Variants in DNAH9 observed in about 807,000 individuals in gnomAD.
DNAH9 encodes the protein DNAH9 variant protein.
A neutral mutation model predicts 471.6 loss-of-function variants in DNAH9; 345 were observed. The observed-to-expected ratio is 0.73, with a 90% CI of 0.67 to 0.80. DNAH9 has a LOEUF of 0.80. Ranked by LOEUF, DNAH9 falls within the 30% of genes least tolerant of loss-of-function variation. The pLI is 0.00. For synonymous variants in DNAH9, 2,093 were observed against 2,123.6 expected (o/e 0.99, Z 0.40); for missense variants, 5,407 against 5,609.2 (o/e 0.96, Z 1.15).
At chr17:11,958,610 C>T in intron 67 of DNAH9, among the ~76,000 whole-genome samples, 1 of 151,910 alleles carries the variant, frequency 6.6e-6, no homozygotes, top group East Asian at 1.9e-4. Context: ...TCACTTGTAA[C>T]AAAGGTACCG....
At chr17:11,921,486 G>GA (rs369709258) in intron 61 of DNAH9, among the ~76,000 whole-genome samples, 6 of 152,158 alleles carry the variant, frequency 3.9e-5, no homozygotes, top group African/African-American at 1.4e-4. Flanking sequence ...GAGCTGGAAG[G>GA]AAAGTCAGAA....
In DNAH9 at chr17:11,598,805, T is replaced by G. The variant is rs894426457; in HGVS notation, c.307T>G (p.Phe103Val). ...CCTGGCTGGCGCTAAGGCGCTTTTT[T>G]TCCTTCGCACCGGGCCCGAGCCTCC... Reference protein sequence around the residue: ...SGLAGAKALFFLRTGPEPPGP... With the variant: ...SGLAGAKALFVLRTGPEPPGP... Residue 103 changes from phenylalanine to valine, a missense_variant, in exon 1 of 69, where the codon TTC becomes GTC. Physicochemically the swap from Phe to Val is conservative, Grantham distance 50 (BLOSUM62 -1). Transcript: ENST00000262442. 2 of 1,480,772 alleles carry G rather than the reference T, an allele frequency of 1.4e-6. No individual in the cohort carries two copies. The highest frequency in any genetic ancestry group is 2.8e-5 in the East Asian group (1 of 35,578). The allele number at this position is 1,480,772 out of a possible 1,614,324, so 91.7% of individuals were successfully genotyped here. A position where few individuals can be genotyped will look rare whatever the true frequency, so the allele number is the denominator to read the frequency against.
In DNAH9 at chr17:11,712,889, T is replaced by A. The variant is rs1377658770; in HGVS notation, c.5553-6445T>A. On this transcript the variant is annotated intron_variant, in intron 26 of 68. Coordinates refer to ENST00000262442, the MANE Select transcript of DNAH9 (RefSeq NM_001372.4). The stretch of plus-strand genomic sequence containing the variant: ...TCTTAAAAAGCTTTAAGAAAAAAAA[T>A]GAGTTATTTAAAAAAAAAAACTTTT... 7.3e-5 allele frequency among the ~76,000 whole-genome samples: 11 copies of A among 149,686 alleles called. No homozygotes were observed. In the South Asian group the frequency reaches 2.1e-3, roughly 28 times the overall value.
chr17:11,685,096 T>G (rs2074216164), intron 19 of DNAH9, among the ~76,000 whole-genome samples: 1 of 152,176 alleles, frequency 6.6e-6, no homozygotes. Flanking sequence ...CTCAAGGACT[T>G]ATAGCCTCAG....
At chr17:11,639,101 T>C (rs1256836557) in intron 9 of DNAH9, among the ~76,000 whole-genome samples, 1 of 152,248 alleles carries the variant, frequency 6.6e-6, no homozygotes, top group African/African-American at 2.4e-5. Flanking sequence ...TTCCTCCTGC[T>C]GTATGACATA....
In DNAH9 at chr17:11,690,087, G is replaced by A. The variant is rs1327702312; in HGVS notation, c.4265G>A (p.Gly1422Asp). The A allele has an allele frequency of 6.2e-7, 1 of 1,614,176 alleles. No individual in the cohort carries two copies. The highest frequency in any genetic ancestry group is 1.7e-5 in the Admixed American group (1 of 60,024). Residue 1422 changes from glycine (G) to aspartate (D), a missense_variant, in exon 20 of 69, where the codon GGC becomes GAC. By Grantham distance (94) the Gly-to-Asp change is moderately conservative (BLOSUM62 -1). Around this residue, in one of 3 missense-constraint regions of DNAH9, gnomAD observed 4,636 missense variants for 4,900.3 expected, o/e 0.95. Coordinates refer to ENST00000262442, the MANE Select transcript of DNAH9 (RefSeq NM_001372.4). ...QLHHYEDEVR[G>D]IVDKAAKEMG... ...CACCACTATGAGGATGAGGTCCGGG[G>A]CATTGTGGACAAAGCTGCAAAAGAG...
At chr17:11,848,659 CGTAA>C (rs1251123279) in intron 49 of DNAH9, among the ~76,000 whole-genome samples, 1 of 151,964 alleles carries the variant, frequency 6.6e-6, no homozygotes, top group South Asian at 2.1e-4. Context: ...AGAAGATTGC[CGTAA>C]GTAACTAAAA....
intron 23 of DNAH9, 99 bp from the exon 24 acceptor site, chr17:11,701,023 C>A: frequency 7.6e-7 from 1 of 1,310,916 alleles, no homozygotes; most frequent in Admixed American, 1.8e-5. Flanking sequence ...AATGTGTGGG[C>A]TCCCTTTCCT....
rs2151034307 is a variant in DNAH9, at chr17:11,930,005, G to A, written c.12017G>A (p.Gly4006Asp). 1 of 1,614,076 alleles carries A rather than the reference G, an allele frequency of 6.2e-7. No homozygotes were observed. Among genetic ancestry groups the A allele is most frequent in the Admixed American group, 1.7e-5 (1 of 60,006 alleles). The change falls in exon 63 of 69, where the codon GGC (glycine) becomes GAC (aspartate). Residue 4006 changes from glycine to aspartate, a missense_variant. By Grantham distance (94) the Gly-to-Asp change is moderately conservative (BLOSUM62 -1). Transcript: ENST00000262442. ...CCTGAGGGCCACATCATCCCCCAGGGCATCCTGGAGAACTCCATTAAGATC... is the reference window on the plus strand; with the variant it reads ...CCTGAGGGCCACATCATCCCCCAGGACATCCTGGAGAACTCCATTAAGATC... The part of the protein sequence containing the change: ...PSPEGHIIPQ[G>D]ILENSIKITN...
intron 27 of DNAH9, among the ~76,000 whole-genome samples, chr17:11,721,648 G>C (rs1242628967): frequency 6.6e-6 from 1 of 151,988 alleles, no homozygotes; most frequent in Admixed American, 6.6e-5. Flanking sequence ...ATGGATGGAG[G>C]ATAGATGGTA....
At chr17:11,927,627 CTT>C (rs1057222791) in intron 62 of DNAH9, among the ~76,000 whole-genome samples, 3 of 152,192 alleles carry the variant, frequency 2.0e-5, no homozygotes, top group African/African-American at 7.2e-5. Flanking sequence ...CCATGGCACA[CTT>C]TTGGGAAATG....
chr17:11,783,548 A>G, intron 39 of DNAH9, 98 bp from the exon 40 acceptor site: 1 of 797,982 alleles, frequency 1.3e-6, no homozygotes, highest in South Asian at 1.9e-5. Context: ...TATCACCCAA[A>G]CACATGAACA....
At chr17:11,893,308 C>A (rs1973116771) in intron 58 of DNAH9, among the ~76,000 whole-genome samples, 1 of 152,048 alleles carries the variant, frequency 6.6e-6, no homozygotes, top group Admixed American at 6.5e-5. Context: ...TTTCCATTTC[C>A]TACTCCATGG....
chr17:11,941,911 G>A (rs1351446027), intron 66 of DNAH9, among the ~76,000 whole-genome samples: 1 of 152,152 alleles, frequency 6.6e-6, no homozygotes, highest in East Asian at 1.9e-4. Flanking sequence ...TGTCATTGCT[G>A]CTCATCACTT....
chr17:11,855,259 A>G (rs1035592285), intron 50 of DNAH9, among the ~76,000 whole-genome samples: 2 of 152,194 alleles, frequency 1.3e-5, no homozygotes, highest in African/African-American at 4.8e-5. Flanking sequence ...CTCCAAAGAG[A>G]TAGAGTGAGT....
At chr17:11,636,009 GTT>G (rs920955597) in intron 8 of DNAH9, among the ~76,000 whole-genome samples, 7 of 148,966 alleles carry the variant, frequency 4.7e-5, no homozygotes, top group Non-Finnish European at 1.0e-4. Flanking sequence ...TGTTTGTTTG[GTT>G]TTTTTTTGAC....
intron 14 of DNAH9, among the ~76,000 whole-genome samples, chr17:11,658,620 T>C (rs1459994107): frequency 6.6e-6 from 1 of 152,138 alleles, no homozygotes; most frequent in East Asian, 1.9e-4. Flanking sequence ...ACCATTAAAT[T>C]TTTAGCTGTA....
chr17:11,619,405 G>A, intron 5 of DNAH9, 143 bp from the exon 6 acceptor site: 1 of 644,804 alleles, frequency 1.6e-6, no homozygotes, highest in South Asian at 1.9e-5. Context: ...CAGTCCACAT[G>A]TGGAATGGAA....
Position 11,807,716 on chromosome 17 carries a change from G to C in DNAH9, c.8421-16G>C, listed in dbSNP as rs777628620. On this transcript the variant is annotated splice_polypyrimidine_tract_variant and intron_variant, in intron 43 of 68. Transcript: ENST00000262442. ...AGTCTGATCAAAGCAACATGTGCCTGCTTCCTTCTCTTTAGCTGCCATATC... is the reference window on the plus strand; with the variant it reads ...AGTCTGATCAAAGCAACATGTGCCTCCTTCCTTCTCTTTAGCTGCCATATC... The C allele has an allele frequency of 6.9e-6, 11 of 1,596,844 alleles. 2 individuals carry two copies. The South Asian group carries it at 1.1e-4, about 16-fold the overall frequency.
Sources: allele counts gnomAD v4.1 joint callset (sites outside exome capture counted in the v4.1 genomes callset), GRCh38; gene constraint gnomAD v4.1.1; regional missense constraint gnomAD v4.1.1; transcripts MANE v1.5; gene names NCBI Gene and HGNC (gene_info 2026-07-23, HGNC 2026-07-21).